The following PCDH9 variants were observed in gnomAD, a reference collection of about 807,000 sequenced individuals.
PCDH9 encodes the protein protocadherin 9, also known as protocadherin-9.
A neutral mutation model predicts 70.6 loss-of-function variants in PCDH9; 24 were observed. That is an observed-to-expected ratio of 0.34 (90% CI 0.25 to 0.48). The LOEUF (loss-of-function observed/expected upper bound fraction) is 0.48. PCDH9 is among the 20% of genes least tolerant of loss of function. PCDH9 has a pLI of 0.99. For synonymous variants in PCDH9, 562 were observed against 558.5 expected (o/e 1.01, Z -0.09); for missense variants, 1,281 against 1,503.6 (o/e 0.85, Z 2.45).
intron 4 of PCDH9, among the ~76,000 whole-genome samples, chr13:66,484,561 T>G (rs1470126097): frequency 1.3e-5 from 2 of 152,216 alleles, no homozygotes; most frequent in Non-Finnish European, 2.9e-5. Flanking sequence ...TTAAACACTT[T>G]ATATGATTAA....
chr13:66,842,516 G>A (rs1012424446), intron 3 of PCDH9, among the ~76,000 whole-genome samples: 1 of 152,018 alleles, frequency 6.6e-6, no homozygotes, highest in Admixed American at 6.6e-5. Context: ...TCCCATTGAC[G>A]ATTTGACCTC....
At chr13:66,410,954 G>A (rs1047706207) in intron 4 of PCDH9, among the ~76,000 whole-genome samples, 2 of 152,152 alleles carry the variant, frequency 1.3e-5, no homozygotes, top group Non-Finnish European at 1.5e-5. Flanking sequence ...AAACCTAAGT[G>A]CTGACAGAAT....
intron 2 of PCDH9, among the ~76,000 whole-genome samples, chr13:67,043,531 A>C (rs572192107): frequency 1.5e-4 from 23 of 152,310 alleles, no homozygotes; most frequent in Admixed American, 1.5e-3. Context: ...AACATTGGAA[A>C]TAATGTGATA....
At chr13:66,474,790 C>T (rs1002625553) in intron 4 of PCDH9, among the ~76,000 whole-genome samples, 3 of 152,044 alleles carry the variant, frequency 2.0e-5, no homozygotes, top group Non-Finnish European at 4.4e-5. Flanking sequence ...GTCACTACAA[C>T]CTACTCTCTC....
chr13:66,467,759 C>T (rs941002755), intron 4 of PCDH9, among the ~76,000 whole-genome samples: 11 of 151,938 alleles, frequency 7.2e-5, no homozygotes, highest in Admixed American at 1.3e-4. Context: ...CTATTTTAAC[C>T]CTAAGTCCTA....
chr13:66,533,771 G>A (rs1270260627), intron 4 of PCDH9, among the ~76,000 whole-genome samples: 1 of 151,936 alleles, frequency 6.6e-6, no homozygotes, highest in African/African-American at 2.4e-5. Flanking sequence ...CCCAGAGAAG[G>A]GAAGTTACGG....
chr13:66,749,305 T>C (rs1171918678), intron 3 of PCDH9, among the ~76,000 whole-genome samples: 1 of 152,182 alleles, frequency 6.6e-6, no homozygotes, highest in Non-Finnish European at 1.5e-5. Context: ...TTTTAGACAA[T>C]CATCAGCTAT....
intron 4 of PCDH9, among the ~76,000 whole-genome samples, chr13:66,480,084 C>T (rs1958810397): frequency 6.6e-6 from 1 of 152,154 alleles, no homozygotes; most frequent in African/African-American, 2.4e-5. Flanking sequence ...GACCAAGAAC[C>T]CACCAGAAGG....
At chr13:66,840,369 T>C (rs1001122862) in intron 3 of PCDH9, among the ~76,000 whole-genome samples, 1 of 152,202 alleles carries the variant, frequency 6.6e-6, no homozygotes, top group African/African-American at 2.4e-5. Context: ...AATAAAAATA[T>C]AGTTAAATAT....
intron 4 of PCDH9, among the ~76,000 whole-genome samples, chr13:66,516,481 A>T (rs982654623): frequency 4.6e-5 from 7 of 152,128 alleles, no homozygotes; most frequent in Admixed American, 6.6e-5. Context: ...AAATTTATAT[A>T]TAAGCCAAAT....
At chr13:66,910,565 A>T (rs758175907) in intron 2 of PCDH9, among the ~76,000 whole-genome samples, 3 of 152,144 alleles carry the variant, frequency 2.0e-5, no homozygotes, top group Non-Finnish European at 4.4e-5. Context: ...AGGATTGGGG[A>T]AAAAATGCTA....
At chr13:66,496,583 TTATAAACATCTG>T (rs1273499630) in intron 4 of PCDH9, among the ~76,000 whole-genome samples, 2 of 152,230 alleles carry the variant, frequency 1.3e-5, no homozygotes, top group African/African-American at 4.8e-5. Flanking sequence ...CAGTTACCTG[TTATAAACATCTG>T]TCCTGTAAAC....
At chr13:66,338,870 C>T (rs1196645939) in intron 4 of PCDH9, among the ~76,000 whole-genome samples, 1 of 83,848 alleles carries the variant, frequency 1.2e-5, no homozygotes, top group Non-Finnish European at 2.6e-5. Context: ...GAAGTATTCT[C>T]TTGGTAGAAG....
At chr13:67,026,223 G>A (rs2084777826) in intron 2 of PCDH9, among the ~76,000 whole-genome samples, 1 of 152,116 alleles carries the variant, frequency 6.6e-6, no homozygotes, top group Admixed American at 6.6e-5. Context: ...TAAGCTTTTT[G>A]ATGTGCTGCT....
intron 3 of PCDH9, among the ~76,000 whole-genome samples, chr13:66,808,992 C>G (rs9592487): frequency 0.34 from 51,860 of 151,696 alleles, 9,780 homozygotes; most frequent in Non-Finnish European, 0.43. Flanking sequence ...CTGTCACCCA[C>G]GCTGGAGTGC....
At chr13:67,179,875 A>G (rs191980484) in intron 2 of PCDH9, among the ~76,000 whole-genome samples, 76 of 152,242 alleles carry the variant, frequency 5.0e-4, no homozygotes, top group Non-Finnish European at 9.0e-4. Flanking sequence ...GTAAGGGAAA[A>G]GAGAAGTAGA....
At chr13:66,832,105 T>C (rs1396997393) in intron 3 of PCDH9, among the ~76,000 whole-genome samples, 1 of 152,160 alleles carries the variant, frequency 6.6e-6, no homozygotes, top group Non-Finnish European at 1.5e-5. Context: ...AAAAAATTTC[T>C]CTTTGACATA....
In PCDH9 at chr13:66,801,259, T is replaced by C. The variant is rs544071670; in HGVS notation, c.3138+102245A>G. Among the ~76,000 whole-genome samples, 35 of 152,268 alleles carry C rather than the reference T, an allele frequency of 2.3e-4. No individual in the cohort carries two copies. In the South Asian group the frequency reaches 7.0e-3, roughly 31 times the overall value. On this transcript the variant is annotated intron_variant, in intron 3 of 4. Coordinates refer to ENST00000377865, the MANE Select transcript of PCDH9 (RefSeq NM_203487.3). ...TGAATAATGAAAGCTCCTTTCACTG[T>C]ACTGTGCTGGAATACCTAGAACTAC... is the stretch of plus-strand genomic sequence containing the variant.
chr13:66,559,799 C>CAAAAAA (rs71205593), intron 4 of PCDH9, among the ~76,000 whole-genome samples: 557 of 10,224 alleles, frequency 0.054, 68 homozygotes, highest in African/African-American at 0.088. Context: ...GACTCCATCT[C>CAAAAAA]AAAAAAAAAA....
Sources: allele counts gnomAD v4.1 joint callset (sites outside exome capture counted in the v4.1 genomes callset), GRCh38; gene constraint gnomAD v4.1.1; transcripts MANE v1.5; gene names NCBI Gene and HGNC (gene_info 2026-07-23, HGNC 2026-07-21).